The following SYNE1 variants were observed in gnomAD, a reference collection of about 807,000 sequenced individuals.
SYNE1 encodes the protein nesprin-1.
A neutral mutation model predicts 1,111.0 loss-of-function variants in SYNE1; 616 were observed. The ratio of observed to expected loss-of-function variants is 0.55; its 90% CI spans 0.52 to 0.59. The LOEUF is 0.59. Among genes scored for constraint, SYNE1 ranks in the 20% least tolerant of loss-of-function variants. The pLI is 0.00. For missense variants in SYNE1, 10,006 were observed against 10,417.0 expected, an observed-to-expected ratio of 0.96 and a Z score of 1.72; for synonymous variants, 3,855 against 3,825.8, an observed-to-expected ratio of 1.01 and a Z score of -0.28.
intron 75 of SYNE1, 148 bp downstream of exon 75, chr6:152,339,093 T>A: frequency 9.1e-7 from 1 of 1,098,646 alleles, no homozygotes; most frequent in Non-Finnish European, 1.3e-6. Flanking sequence ...TAGCTGAAAT[T>A]CAAATATCTA....
chr6:152,463,417 T>A lies in SYNE1; in HGVS notation c.2033A>T (p.Asp678Val). The A allele has an allele frequency of 1.9e-6, 3 of 1,613,844 alleles. No individual in the cohort carries two copies. The highest frequency in any genetic ancestry group is 2.5e-6 in the Non-Finnish European group (3 of 1,179,828). ...TAGCAACAGTAATTGCTGCTTCAGG[T>A]CACGGGAAACCATCTCATCACAGGT... is the stretch of plus-strand genomic sequence containing the variant. ...IETCDEMVSR[D>V]LKQQLLLLNG... Residue 678 changes from aspartate (D) to valine (V), a missense_variant, in exon 19 of 146, where the codon GAC becomes GTC. Physicochemically the swap from Asp to Val is radical, Grantham distance 152. Transcript: ENST00000367255.
chr6:152,514,957 C>T lies in SYNE1; in HGVS notation c.310-3854G>A, dbSNP rs562501342. Among the ~76,000 whole-genome samples the T allele has an allele frequency of 2.0e-5, 3 of 152,262 alleles. No homozygotes were observed. The East Asian group carries it at 5.8e-4, about 29-fold the overall frequency. ...ATATTTGAGACCAGGCGTGGTGGCT[C>T]ACACCTGTAATCCCAGCATTTTGGG... On this transcript the variant is annotated intron_variant, in intron 6 of 145. Coordinates refer to ENST00000367255, the MANE Select transcript of SYNE1 (RefSeq NM_182961.4).
chr6:152,157,052 C>T lies in SYNE1; in HGVS notation c.23791-955G>A, dbSNP rs113851392. Among the ~76,000 whole-genome samples, 1,455 of 152,264 alleles carry T rather than the reference C, an allele frequency of 9.6e-3. 17 individuals are homozygous for T. Among genetic ancestry groups the T allele is most frequent in the Non-Finnish European group, 0.015 (992 of 68,030 alleles). The stretch of plus-strand genomic sequence containing the variant: ...ATGTTGGCCAGGCTGGTCTTGAACT[C>T]CTGACCTCAGGTGATCCACCCACCT... On this transcript the variant is annotated intron_variant, in intron 131 of 145. Coordinates refer to ENST00000367255, the MANE Select transcript of SYNE1 (RefSeq NM_182961.4).
intron 101 of SYNE1, among the ~76,000 whole-genome samples, chr6:152,261,629 A>G (rs748405004): frequency 1.3e-5 from 2 of 152,192 alleles, no homozygotes; most frequent in Non-Finnish European, 2.9e-5. Flanking sequence ...GGAAGTGGCA[A>G]TGGAAAATAA....
At chr6:152,549,442 T>C (rs759342011) in intron 3 of SYNE1, among the ~76,000 whole-genome samples, 5 of 152,322 alleles carry the variant, frequency 3.3e-5, no homozygotes, top group South Asian at 2.1e-4. Flanking sequence ...GGCATTTACA[T>C]GTGTGGGGGG....
intron 131 of SYNE1, among the ~76,000 whole-genome samples, chr6:152,160,492 T>A (rs1735415508): frequency 6.6e-6 from 1 of 152,142 alleles, no homozygotes; most frequent in South Asian, 2.1e-4. Flanking sequence ...CTCTGGGAAT[T>A]CCCTTTTTCT....
At position 152,430,493 on chromosome 6, in the gene SYNE1, T is replaced by G; in HGVS notation, c.4678A>C (p.Asn1560His). Residue 1560 changes from asparagine to histidine, a missense_variant, in exon 35 of 146, where the codon AAC becomes CAC. By Grantham distance (68) the Asn-to-His change is moderately conservative. Around this residue, in one of 7 missense-constraint regions of SYNE1, gnomAD observed 1,971 missense variants for 2,084.1 expected, o/e 0.95. Transcript: ENST00000367255. ...GGATCAATTCTTACCTTTCTAAGGT[T>G]CTCTTCAAACTTTTGCTGCTGAGAT... Reference protein sequence around the residue: ...HLSQQQKFEENLRKIQQSVSE... With the variant: ...HLSQQQKFEEHLRKIQQSVSE... 6.2e-7 allele frequency: 1 copy of G among 1,613,990 alleles called. No homozygotes were observed. Among genetic ancestry groups the G allele is most frequent in the South Asian group, 1.1e-5 (1 of 91,078 alleles).
chr6:152,341,976 C>T (rs536923854), intron 74 of SYNE1, among the ~76,000 whole-genome samples: 3 of 151,832 alleles, frequency 2.0e-5, no homozygotes, highest in African/African-American at 7.3e-5. Context: ...GAAATAACAA[C>T]AAAAAATAAA....
rs760978831 is a variant in SYNE1 at position 152,284,610 on chromosome 6, A to ATTTT, written c.18013-442_18013-439dup. Among the ~76,000 whole-genome samples, 14 of 108,156 alleles carry ATTTT rather than the reference A, an allele frequency of 1.3e-4. No homozygotes were observed. The East Asian group carries it at 3.4e-3, about 26-fold the overall frequency. 71.0% of individuals were successfully genotyped at this position (108,156 alleles called of 152,430 possible). On this transcript the variant is annotated intron_variant, in intron 95 of 145. Coordinates refer to ENST00000367255, the MANE Select transcript of SYNE1 (RefSeq NM_182961.4). ...CTGGTGTGTGCTACCACACCTGGTA[A>ATTTT]TTTTTTTTTTTTTTTTTTTTTTTTT... is the stretch of plus-strand genomic sequence containing the variant.
intron 21 of SYNE1, among the ~76,000 whole-genome samples, chr6:152,459,685 CA>C (rs1363556298): frequency 6.6e-6 from 1 of 152,200 alleles, no homozygotes; most frequent in Non-Finnish European, 1.5e-5. Context: ...GTCTACTCTT[CA>C]TCCTCCAAGA....
At chr6:152,440,067 C>A (rs1196919834) in intron 32 of SYNE1, among the ~76,000 whole-genome samples, 1 of 152,170 alleles carries the variant, frequency 6.6e-6, no homozygotes, top group Non-Finnish European at 1.5e-5. Flanking sequence ...CAGGTATCAA[C>A]ATTTTCGTCA....
chr6:152,152,229 A>T (rs987763332), intron 133 of SYNE1, 88 bp from the exon 134 acceptor site: 2 of 1,185,174 alleles, frequency 1.7e-6, no homozygotes, highest in African/African-American at 3.0e-5. Context: ...AGCGTCTGGG[A>T]GAATGGGAAG....
At chr6:152,538,021 A>T (rs1356991100) in intron 4 of SYNE1, among the ~76,000 whole-genome samples, 1 of 152,194 alleles carries the variant, frequency 6.6e-6, no homozygotes, top group Non-Finnish European at 1.5e-5. Context: ...GGAAACATCA[A>T]ACATGAAAGG....
At chr6:152,458,956 C>T in intron 21 of SYNE1, 26 bp from the exon 22 acceptor site, 2 of 1,609,114 alleles carry the variant, frequency 1.2e-6, no homozygotes, top group Non-Finnish European at 1.7e-6. Context: ...GACAAAAATT[C>T]CATGAAAGAC....
Position 152,149,605 on chromosome 6 carries a change from G to A in SYNE1, c.24514C>T (p.Gln8172Ter). 2.5e-6 allele frequency: 4 copies of A among 1,614,094 alleles called. No homozygotes were observed. Among genetic ancestry groups the A allele is most frequent in the Non-Finnish European group, 3.4e-6 (4 of 1,180,028 alleles). ...KIEQIIAQGE[Q>*]LIEKSEPLDA... ...AAGGGCTCACTCTTTTCTATCAGCT[G>A]TTCTCCTTGGGCAATTATCTGCTCA... The change falls in exon 136 of 146, where the codon CAG (glutamine) becomes TAG (stop). Residue 8172 changes from glutamine to a stop codon, truncating the protein, a stop_gained. Transcript: ENST00000367255. LOFTEE classifies it high-confidence loss of function.
At chr6:152,582,824 C>G (rs1439867003) in intron 3 of SYNE1, among the ~76,000 whole-genome samples, 3 of 151,984 alleles carry the variant, frequency 2.0e-5, no homozygotes, top group Non-Finnish European at 4.4e-5. Context: ...ATACTGGCCA[C>G]TTACATATAT....
intron 96 of SYNE1, 72 bp from the exon 97 acceptor site, chr6:152,282,052 A>G: frequency 6.7e-7 from 1 of 1,502,162 alleles, no homozygotes; most frequent in Admixed American, 1.7e-5. Flanking sequence ...CAGTAAAGCA[A>G]TGGTTCCAGG....
At chr6:152,458,958 A>G (rs759110263) in intron 21 of SYNE1, 28 bp from the exon 22 acceptor site, 1 of 1,609,456 alleles carries the variant, frequency 6.2e-7, no homozygotes, top group Non-Finnish European at 8.5e-7. Flanking sequence ...CAAAAATTCC[A>G]TGAAAGACCA....
chr6:152,201,260 T>G (rs1007862786), intron 127 of SYNE1, among the ~76,000 whole-genome samples: 2 of 130,144 alleles, frequency 1.5e-5, no homozygotes, highest in African/African-American at 5.8e-5. Flanking sequence ...ATCCAGGGAG[T>G]GATCTGTATT....
Sources: gnomAD v4.1 joint callset for allele counts (sites outside exome capture counted in the v4.1 genomes callset) on GRCh38, gnomAD v4.1.1 for gene constraint, gnomAD v4.1.1 regional missense constraint, MANE v1.5 for transcripts, NCBI Gene and HGNC (gene_info 2026-07-23, HGNC 2026-07-21) for gene names.